Variants in DST observed in about 807,000 individuals in gnomAD.
DST encodes the protein dystonin.
In DST, 253 loss-of-function variants were observed where a neutral mutation model predicts 875.2. That is an observed-to-expected ratio of 0.29 (90% CI 0.26 to 0.32). DST has a LOEUF of 0.32. DST is among the 10% of genes least tolerant of loss of function. DST has a pLI of 1.00. For synonymous variants in DST, 3,124 were observed against 3,197.1 expected, an observed-to-expected ratio of 0.98 and a Z score of 0.77; for missense variants, 8,287 against 9,111.6, an observed-to-expected ratio of 0.91 and a Z score of 3.68.
chr6:56,502,159 G>A (rs1016370258), intron 78 of DST, among the ~76,000 whole-genome samples: 11 of 152,030 alleles, frequency 7.2e-5, no homozygotes, highest in Non-Finnish European at 1.6e-4. Context: ...CTGTAGCTGT[G>A]CTGTGTTCAT....
intron 4 of DST, among the ~76,000 whole-genome samples, chr6:56,739,841 T>C (rs1477518343): frequency 1.3e-5 from 2 of 152,146 alleles, no homozygotes; most frequent in East Asian, 3.9e-4. Flanking sequence ...CCACCCCTTG[T>C]TTAGCATATC....
intron 4 of DST, among the ~76,000 whole-genome samples, chr6:56,753,973 G>A (rs1157693986): frequency 6.6e-6 from 1 of 152,180 alleles, no homozygotes; most frequent in Non-Finnish European, 1.5e-5. Context: ...GTTCCAAAAT[G>A]CAGCCTAGAA....
At chr6:56,800,117 G>C (rs1193930013) in intron 4 of DST, among the ~76,000 whole-genome samples, 1 of 152,170 alleles carries the variant, frequency 6.6e-6, no homozygotes, top group Non-Finnish European at 1.5e-5. Context: ...GTATCTCCAA[G>C]ATATGCCTGT....
rs2098860839 is a variant in DST, at chr6:56,639,355, C to A, written c.2868G>T (p.Met956Ile). 1 of 1,612,862 alleles carries A rather than the reference C, an allele frequency of 6.2e-7. No individual in the cohort carries two copies. Among genetic ancestry groups the A allele is most frequent in the African/African-American group, 1.3e-5 (1 of 74,906 alleles). The change falls in exon 22 of 104, where the codon ATG becomes ATT. Residue 956 changes from methionine to isoleucine, a missense_variant. Met to Ile is a conservative substitution (Grantham distance 10, BLOSUM62 1). Transcript: ENST00000680361. ...ARKKDYHAEL[M>I]RELDQKEENI... ...TTTCTTCCTTTTGATCAAGTTCTCT[C>A]ATTAATTCCTTCAAGAAATAATTAA...
intron 2 of DST, among the ~76,000 whole-genome samples, chr6:56,916,778 T>TCTCTCTCTCTCTCTCTCTCACACACA (rs1470233953): frequency 5.5e-5 from 5 of 91,342 alleles, no homozygotes; most frequent in African/African-American, 2.6e-4. Flanking sequence ...TCTCTCTCTC[T>TCTCTCTCTCTCTCTCTCTCACACACA]CACACACACA....
At chr6:56,816,722 G>A (rs1267821980) in intron 4 of DST, among the ~76,000 whole-genome samples, 4 of 152,064 alleles carry the variant, frequency 2.6e-5, no homozygotes, top group Admixed American at 6.6e-5. Flanking sequence ...CTCAAAGTTC[G>A]CAGTCGGGTT....
chr6:56,635,328 G>T (rs1341950757), intron 24 of DST, among the ~76,000 whole-genome samples: 1 of 151,810 alleles, frequency 6.6e-6, no homozygotes, highest in East Asian at 1.9e-4. Context: ...AAAAGTATTT[G>T]CAAAATGAAT....
At chr6:56,744,887 C>A (rs893295439) in intron 4 of DST, among the ~76,000 whole-genome samples, 1 of 152,166 alleles carries the variant, frequency 6.6e-6, no homozygotes, top group African/African-American at 2.4e-5. Flanking sequence ...ATTGAAAAAT[C>A]TTTTCAAATG....
intron 49 of DST, among the ~76,000 whole-genome samples, chr6:56,591,106 T>C (rs1026510623): frequency 1.3e-5 from 2 of 152,246 alleles, no homozygotes; most frequent in African/African-American, 4.8e-5. Context: ...AATCATATAA[T>C]AGATTGATGG....
intron 5 of DST, among the ~76,000 whole-genome samples, chr6:56,719,361 A>G (rs1416534763): frequency 2.6e-5 from 4 of 152,378 alleles, no homozygotes; most frequent in Admixed American, 2.6e-4. Flanking sequence ...GTCAACCACT[A>G]TAAAACCCTT....
chr6:56,518,844 G>C (rs1345901795), intron 69 of DST, among the ~76,000 whole-genome samples: 1 of 152,188 alleles, frequency 6.6e-6, no homozygotes, highest in African/African-American at 2.4e-5. Flanking sequence ...AAGGAATCTG[G>C]AAATCCAGAT....
At chr6:56,772,482 C>T (rs769746391) in intron 4 of DST, among the ~76,000 whole-genome samples, 2 of 152,174 alleles carry the variant, frequency 1.3e-5, no homozygotes, top group Non-Finnish European at 2.9e-5. Flanking sequence ...ACTGATTAGC[C>T]ATGTGATTCC....
intron 2 of DST, among the ~76,000 whole-genome samples, chr6:56,946,102 GGGAATATCAAGTTATAAGTA>G (rs1366979121): frequency 7.2e-5 from 11 of 152,102 alleles, no homozygotes; most frequent in South Asian, 2.1e-4. Context: ...GCCCAAGACA[GGGAATATCAAGTTATAAGTA>G]GGAAGAGGAT....
At chr6:56,942,706 C>CTTT (rs67354752) in intron 2 of DST, among the ~76,000 whole-genome samples, 4 of 66,044 alleles carry the variant, frequency 6.1e-5, no homozygotes, top group African/African-American at 1.9e-4. Context: ...TGCCATTTCT[C>CTTT]TTTTTTTTTT....
intron 3 of DST, chr6:56,871,645 A>G (rs1201984685): frequency 1.3e-6 from 1 of 743,260 alleles, no homozygotes; most frequent in Non-Finnish European, 2.5e-6. Context: ...ATCCTTACTG[A>G]AAAGGAACAA....
chr6:56,576,889 T>TAAATAA, intron 50 of DST, among the ~76,000 whole-genome samples: 1 of 152,174 alleles, frequency 6.6e-6, no homozygotes, highest in African/African-American at 2.4e-5. Context: ...GAAATAAATG[T>TAAATAA]ATGTTGTTTA....
At chr6:56,707,793 C>T (rs1443097158) in intron 5 of DST, among the ~76,000 whole-genome samples, 3 of 152,124 alleles carry the variant, frequency 2.0e-5, no homozygotes, top group African/African-American at 4.8e-5. Context: ...TTGCTACTAT[C>T]GTATTTATGT....
intron 27 of DST, among the ~76,000 whole-genome samples, chr6:56,633,907 C>T (rs933357261): frequency 6.6e-6 from 1 of 152,206 alleles, no homozygotes; most frequent in African/African-American, 2.4e-5. Context: ...GCCTCCCTAT[C>T]TCACAGTAAG....
chr6:56,812,171 C>T (rs2099761177), intron 4 of DST, among the ~76,000 whole-genome samples: 1 of 116,782 alleles, frequency 8.6e-6, no homozygotes, highest in African/African-American at 2.9e-5. Context: ...TATTCTATGG[C>T]AACTGATATA....
Sources: allele counts gnomAD v4.1 joint callset (sites outside exome capture counted in the v4.1 genomes callset), GRCh38; gene constraint gnomAD v4.1.1; transcripts MANE v1.5; gene names NCBI Gene and HGNC (gene_info 2026-07-23, HGNC 2026-07-21).